Variants in ARHGAP45 observed in about 807,000 individuals in gnomAD.
The protein encoded by ARHGAP45 is rho GTPase-activating protein 45.
ARHGAP45 carries 56 observed loss-of-function variants against 116.1 expected under a neutral mutation model. The observed-to-expected ratio is 0.48, with a 90% CI of 0.39 to 0.60. The LOEUF is 0.60. ARHGAP45 is among the 20% of genes least tolerant of loss of function. The pLI, the probability that ARHGAP45 is intolerant of heterozygous loss-of-function variation, is 0.00. For synonymous variants in ARHGAP45, 866 were observed against 701.7 expected (o/e 1.23, Z -3.70); for missense variants, 1,622 against 1,601.0 (o/e 1.01, Z -0.22).
chr19:1,080,182 C>T (rs2043388882), intron 13 of ARHGAP45, 64 bp downstream of exon 13: 3 of 1,610,116 alleles, frequency 1.9e-6, no homozygotes, highest in Admixed American at 3.4e-5. Flanking sequence ...GGGCTTCCCT[C>T]TGTCGGGGGC....
Position 1,067,209 on chromosome 19 carries a change from G to A in ARHGAP45, c.-197G>A. The A allele has an allele frequency of 7.4e-7, 1 of 1,355,364 alleles. No individual in the cohort carries two copies. Among genetic ancestry groups the A allele is most frequent in the Non-Finnish European group, 9.4e-7 (1 of 1,059,890 alleles). 84.0% of individuals were successfully genotyped at this position (1,355,364 alleles called of 1,614,324 possible). ...GCTGAGGCCGGGAAGGGTCGGGGGC[G>A]AGGCCGCGTCGCCGCCTCCCCGAAG... On this transcript the variant is annotated 5_prime_UTR_variant, in exon 1 of 23. Coordinates refer to ENST00000313093, the MANE Select transcript of ARHGAP45 (RefSeq NM_012292.5).
intron 21 of ARHGAP45, 149 bp downstream of exon 21, chr19:1,083,502 TGTGTCTTTTA>T: frequency 1.4e-6 from 1 of 694,340 alleles, no homozygotes; most frequent in Non-Finnish European, 2.4e-6. Flanking sequence ...ACTGTCTTTT[TGTGTCTTTTA>T]TGCAAAAAAC....
chr19:1,079,902 C>A, intron 12 of ARHGAP45, 26 bp from the exon 13 acceptor site: 1 of 1,600,030 alleles, frequency 6.2e-7, no homozygotes, highest in Non-Finnish European at 8.5e-7. Context: ...CCTCCTGACC[C>A]CTCCGCTCTC....
At chr19:1,082,279 C>T (rs1020440228) in intron 19 of ARHGAP45, among the ~76,000 whole-genome samples, 1 of 1,246 alleles carries the variant, frequency 8.0e-4, no homozygotes, top group Non-Finnish European at 1.9e-3. Context: ...TGTGCGGGGG[C>T]GGGGCCGGGG....
chr19:1,078,101 G>A, intron 11 of ARHGAP45, 56 bp downstream of exon 11: 4 of 1,511,938 alleles, frequency 2.6e-6, no homozygotes, highest in Non-Finnish European at 3.6e-6. Flanking sequence ...TCCAATGCTT[G>A]GTGTGACATT....
chr19:1,084,946 G>A (rs753241067), intron 22 of ARHGAP45, among the ~76,000 whole-genome samples: 1 of 152,188 alleles, frequency 6.6e-6, no homozygotes, highest in Non-Finnish European at 1.5e-5. Flanking sequence ...GACAGGTGTG[G>A]TGGAGGGCAC....
intron 10 of ARHGAP45, among the ~76,000 whole-genome samples, chr19:1,076,481 G>GTTTTTTTTTTT (rs1568464614): frequency 1.3e-4 from 14 of 104,142 alleles, no homozygotes; most frequent in African/African-American, 5.5e-4. Context: ...GTTGGCAGTA[G>GTTTTTTTTTTT]TCTTTTTTTT....
chr19:1,082,945 C>A lies in ARHGAP45; in HGVS notation c.2623C>A (p.Gln875Lys). The A allele has an allele frequency of 6.3e-7, 1 of 1,577,358 alleles. No individual in the cohort carries two copies. Among genetic ancestry groups the A allele is most frequent in the Non-Finnish European group, 8.6e-7 (1 of 1,165,220 alleles). Residue 875 changes from glutamine to lysine, a missense_variant, in exon 20 of 23, where the codon CAG (glutamine) becomes AAG (lysine). Gln to Lys is a moderately conservative substitution (Grantham distance 53). Transcript: ENST00000313093. ...GGCCAAGGCGGCGTCCCGGGGCCGG[C>A]AGGACGGCTCGGAGAGCGAGGCAGT... ...AEAKAASRGR[Q>K]DGSESEAVAV...
intron 10 of ARHGAP45, among the ~76,000 whole-genome samples, chr19:1,076,512 T>TTTTTTTTTG: frequency 9.1e-6 from 1 of 109,616 alleles, no homozygotes; most frequent in African/African-American, 3.3e-5. Flanking sequence ...TTTTTTTTTT[T>TTTTTTTTTG]TGAGACAAGA....
chr19:1,074,652 G>A lies in ARHGAP45; in HGVS notation c.1032G>A (p.Leu344=). ...TCCTGTCCATCTACTCGCTGGCCCT[G>A]GAGCAGGACCTGGAGTTCGGCCACA... ...MPLLSIYSLA[L]EQDLEFGHSM... is the part of the protein sequence containing the mutation. The change falls in exon 9 of 23, where the codon CTG becomes CTA. Residue 344 remains leucine, a synonymous_variant. Transcript: ENST00000313093. 6.2e-7 allele frequency: 1 copy of A among 1,609,786 alleles called. No individual in the cohort carries two copies. The highest frequency in any genetic ancestry group is 8.5e-7 in the Non-Finnish European group (1 of 1,178,800).
At chr19:1,076,951 AC>A (rs2043264065) in intron 10 of ARHGAP45, 1 of 860,918 alleles carries the variant, frequency 1.2e-6, no homozygotes, top group Admixed American at 6.2e-5. Context: ...CTGGTCTCAA[AC>A]TCCTGGCCTC....
At chr19:1,067,787 G>A (rs2043066620) in intron 1 of ARHGAP45, 3 of 628,412 alleles carry the variant, frequency 4.8e-6, no homozygotes, top group East Asian at 2.8e-5. Context: ...TGTTTGGGCC[G>A]CTGCAGGTTG....
At chr19:1,083,674 G>T (rs762798821) in intron 21 of ARHGAP45, among the ~76,000 whole-genome samples, 17 of 152,118 alleles carry the variant, frequency 1.1e-4, no homozygotes, top group South Asian at 6.2e-4. Flanking sequence ...CAAGCTCCAC[G>T]CTGGCCCGGT....
At position 1,080,719 on chromosome 19, in the gene ARHGAP45, T is replaced by C. The variant is rs2145069806; in HGVS notation, c.1950T>C (p.Gly650=). The C allele has an allele frequency of 6.2e-7, 1 of 1,613,598 alleles. No individual in the cohort carries two copies. The highest frequency in any genetic ancestry group is 1.1e-5 in the South Asian group (1 of 91,092). Residue 650 remains glycine, a synonymous_variant, in exon 16 of 23, where the codon GGT becomes GGC. Coordinates refer to ENST00000313093, the MANE Select transcript of ARHGAP45 (RefSeq NM_012292.5). ...FKKFERTSSS[G]TMSSTEELVD... is the part of the protein sequence containing the mutation. ...AGTTCGAGCGGACGTCATCCAGTGG[T>C]ACCATGTCGTCCACGGAGGAGCTGG...
intron 21 of ARHGAP45, among the ~76,000 whole-genome samples, chr19:1,083,850 C>G (rs949934466): frequency 6.6e-6 from 1 of 152,236 alleles, no homozygotes; most frequent in African/African-American, 2.4e-5. Context: ...AAGCGATTCT[C>G]CTGCCTCAGT....
Position 1,074,876 on chromosome 19 carries a change from G to A in ARHGAP45, c.1182G>A (p.Lys394=). The A allele has an allele frequency of 6.6e-7, 1 of 1,510,722 alleles. No homozygotes were observed. The highest frequency in any genetic ancestry group is 8.9e-7 in the Non-Finnish European group (1 of 1,126,062). 93.6% of individuals were successfully genotyped at this position (1,510,722 alleles called of 1,614,324 possible). ...IKEAWHRAQR[K]LQEAESNLRK... Reference sequence around the variant, plus strand: ...AGGCCTGGCACCGTGCCCAGAGGAAGCTGGTGAGGCGGGCGGGCGGGGGCG... The same window carrying A: ...AGGCCTGGCACCGTGCCCAGAGGAAACTGGTGAGGCGGGCGGGCGGGGGCG... The change falls in exon 10 of 23, where the codon AAG becomes AAA. Residue 394 remains lysine (K), a synonymous_variant. Coordinates refer to ENST00000313093, the MANE Select transcript of ARHGAP45 (RefSeq NM_012292.5).
rs1245893486 is a variant in ARHGAP45, at chr19:1,070,545, C to A, written c.421+1801C>A. On this transcript the variant is annotated intron_variant, in intron 2 of 22. Coordinates refer to ENST00000313093, the MANE Select transcript of ARHGAP45 (RefSeq NM_012292.5). ...TTTTTTTAGTAGAGATGGGGTTTCA[C>A]CATTTTGGCCAGGCTGGTCTTGAAC... is the stretch of plus-strand genomic sequence containing the variant. 2.0e-5 allele frequency among the ~76,000 whole-genome samples: 3 copies of A among 148,764 alleles called. No homozygotes were observed. In the East Asian group the frequency reaches 5.9e-4, roughly 29 times the overall value.
chr19:1,085,868 C>A lies in ARHGAP45; in HGVS notation c.3273C>A (p.Asp1091Glu). ...GGGAGGACGGGGACGGGGACGAGGA[C>A]GGCCCGGCCCAGCAGCTCTCAGGAT... ...TAREDGDGDE[D>E]GPAQQLSGFN... The change falls in exon 23 of 23, where the codon GAC (aspartate) becomes GAA (glutamate). Residue 1091 changes from aspartate (D) to glutamate (E), a missense_variant. Coordinates refer to ENST00000313093, the MANE Select transcript of ARHGAP45 (RefSeq NM_012292.5). 1 of 1,612,886 alleles carries A rather than the reference C, an allele frequency of 6.2e-7. No individual in the cohort carries two copies. The highest frequency in any genetic ancestry group is 8.5e-7 in the Non-Finnish European group (1 of 1,179,922).
intron 10 of ARHGAP45, 73 bp downstream of exon 10, chr19:1,074,952 C>T (rs900688725): frequency 7.6e-7 from 1 of 1,317,572 alleles, no homozygotes; most frequent in African/African-American, 1.6e-5. Flanking sequence ...AGCCCCAGCC[C>T]CATAGCGAGG....
Sources: allele counts gnomAD v4.1 joint callset (sites outside exome capture counted in the v4.1 genomes callset), GRCh38; gene constraint gnomAD v4.1.1; transcripts MANE v1.5; gene names NCBI Gene and HGNC (gene_info 2026-07-23, HGNC 2026-07-21).